CFAP119: variants seen among roughly 807,000 people sequenced by gnomAD.
CFAP119 encodes cilia and flagella associated protein 119, also known as cilia- and flagella-associated protein 119.
At chr16:30,760,256 C>A in the CFAP119 span, 6 of 1,613,890 alleles carry the variant, frequency 3.7e-6, no homozygotes, top group South Asian at 6.6e-5. Context: ...CTCCCTGGGG[C>A]TCAAACCTGG....
chr16:30,761,621 C>T, the CFAP119 span: 46 of 1,536,024 alleles, frequency 3.0e-5, no homozygotes, highest in Non-Finnish European at 3.9e-5. Context: ...CACACTCGCA[C>T]GCGTCCGCGC....
the CFAP119 span, chr16:30,759,819 C>T: frequency 3.3e-6 from 5 of 1,507,982 alleles, no homozygotes; most frequent in Non-Finnish European, 3.5e-6. Context: ...GCTTCAGAAG[C>T]AGACAGATCT....
At chr16:30,761,510 A>G in the CFAP119 span, 1 of 1,535,220 alleles carries the variant, frequency 6.5e-7, no homozygotes, top group Non-Finnish European at 8.7e-7. Context: ...CGGTTTATAA[A>G]TATTCACGAG....
the CFAP119 span, chr16:30,757,604 G>A: frequency 6.2e-7 from 1 of 1,614,192 alleles, no homozygotes; most frequent in Non-Finnish European, 8.5e-7. Context: ...AGCTGCTCCA[G>A]CTCTTTGTTC....
the CFAP119 span, chr16:30,761,782 G>C: frequency 6.7e-7 from 1 of 1,493,672 alleles, no homozygotes; most frequent in Admixed American, 2.0e-5. Flanking sequence ...GGCGCCCCGG[G>C]CTCCCGCCGC....
the CFAP119 span, chr16:30,761,567 T>C: frequency 6.5e-7 from 1 of 1,535,868 alleles, no homozygotes; most frequent in Non-Finnish European, 8.7e-7. Flanking sequence ...GGCTCCGGGG[T>C]CTTCATCCGC....
chr16:30,760,330 C>T, the CFAP119 span: 5 of 1,614,216 alleles, frequency 3.1e-6, no homozygotes, highest in Admixed American at 1.7e-5. Flanking sequence ...AAGCCGCTGA[C>T]GTCTGCTCCA....
the CFAP119 span, chr16:30,761,267 T>C: frequency 1.2e-6 from 2 of 1,613,272 alleles, no homozygotes; most frequent in Middle Eastern, 1.6e-4. Flanking sequence ...GCAGCTGCGG[T>C]GTCCTGGCCC....
chr16:30,759,912 C>G, the CFAP119 span: 2 of 1,438,808 alleles, frequency 1.4e-6, no homozygotes, highest in South Asian at 1.5e-5. Context: ...GTTTTCGGCA[C>G]TGAACAAGAC....
chr16:30,757,730 A>G, the CFAP119 span: 1 of 1,510,084 alleles, frequency 6.6e-7, no homozygotes, highest in Non-Finnish European at 8.8e-7. Flanking sequence ...CTAGTTGGGC[A>G]AACAGTCCCC....
At chr16:30,760,972 G>A in the CFAP119 span, 3 of 613,624 alleles carry the variant, frequency 4.9e-6, no homozygotes, top group African/African-American at 3.7e-5. Context: ...ACTCCTTAGC[G>A]GCCATGAGAC....
chr16:30,757,478 A>ACTTGGT, the CFAP119 span: 2 of 1,612,920 alleles, frequency 1.2e-6, no homozygotes, highest in Non-Finnish European at 8.5e-7. Context: ...GTTGGGGGTC[A>ACTTGGT]CTTGGTCTTG....
At chr16:30,760,447 C>A in the CFAP119 span, 1 of 1,613,976 alleles carries the variant, frequency 6.2e-7, no homozygotes, top group Non-Finnish European at 8.5e-7. Flanking sequence ...GCAGCTCAGC[C>A]AGCACCCTTG....
At chr16:30,759,877 A>G in the CFAP119 span, 65 of 1,450,218 alleles carry the variant, frequency 4.5e-5, no homozygotes, top group Non-Finnish European at 5.7e-5. Context: ...CAAATACTGA[A>G]TACCCACTAT....
At chr16:30,759,623 A>G in the CFAP119 span, 1 of 1,613,958 alleles carries the variant, frequency 6.2e-7, no homozygotes, top group African/African-American at 1.3e-5. Flanking sequence ...GGGGATGGGT[A>G]AAGTTTCCAG....
the CFAP119 span, chr16:30,760,354 C>T: frequency 6.2e-7 from 1 of 1,614,254 alleles, no homozygotes; most frequent in South Asian, 1.1e-5. Context: ...AGAAGCCCTG[C>T]TGGCGGCAGA....
the CFAP119 span, chr16:30,761,263 G>C: frequency 6.8e-6 from 11 of 1,613,466 alleles, no homozygotes; most frequent in Non-Finnish European, 9.3e-6. Flanking sequence ...GAAGGCAGCT[G>C]CGGTGTCCTG....
the CFAP119 span, chr16:30,757,604 GCT>G: frequency 3.1e-6 from 5 of 1,614,192 alleles, no homozygotes; most frequent in South Asian, 1.1e-5. Flanking sequence ...AGCTGCTCCA[GCT>G]CTTTGTTCAC....
At chr16:30,759,955 C>G in the CFAP119 span, 5 of 1,447,112 alleles carry the variant, frequency 3.5e-6, no homozygotes, top group Admixed American at 1.1e-4. Context: ...AGCTTATATT[C>G]TAGGGGAATA....
Sources: gnomAD v4.1 joint callset for allele counts on GRCh38, gnomAD v4.1.1 for gene constraint, MANE v1.5 for transcripts, NCBI Gene and HGNC (gene_info 2026-07-23, HGNC 2026-07-21) for gene names.